Variants in SGCZ observed in about 807,000 individuals in gnomAD.
The protein encoded by SGCZ is sarcoglycan zeta.
In SGCZ, 40 loss-of-function variants were observed where a neutral mutation model predicts 41.3. The observed-to-expected ratio is 0.97, with a 90% CI of 0.75 to 1.26. SGCZ has a LOEUF of 1.26. Ranked by LOEUF, SGCZ falls within the 50% of genes most tolerant of loss-of-function variation. The pLI is 0.00. For missense variants in SGCZ, 552 were observed against 369.8 expected (o/e 1.49, Z -4.04); for synonymous variants, 206 against 137.5 (o/e 1.50, Z -3.49).
chr8:14,847,096 AAAG>A (rs1195300750), intron 1 of SGCZ, among the ~76,000 whole-genome samples: 1 of 148,238 alleles, frequency 6.7e-6, no homozygotes, highest in East Asian at 2.0e-4. Context: ...GAAGAAGAAG[AAAG>A]AAGAAAGAAG....
chr8:14,882,062 C>T (rs138465243), intron 1 of SGCZ, among the ~76,000 whole-genome samples: 39 of 152,232 alleles, frequency 2.6e-4, no homozygotes, highest in Admixed American at 1.4e-3. Flanking sequence ...ATTTCTGGGA[C>T]GCAGCAAAAG....
chr8:15,174,018 G>A lies in SGCZ; in HGVS notation c.39+63567C>T, dbSNP rs117850193. Among the ~76,000 whole-genome samples, 996 of 152,234 alleles carry A rather than the reference G, an allele frequency of 6.5e-3. 5 individuals are homozygous for A. The highest frequency in any genetic ancestry group is 0.011 in the Non-Finnish European group (756 of 68,022). On this transcript the variant is annotated intron_variant, in intron 1 of 7. Transcript: ENST00000382080. ...ATTACAGGTGTGAGCCACTGCACCC[G>A]TTATACTTTATTTAAACATTCTTTT...
chr8:14,630,769 G>C (rs1418802327), intron 1 of SGCZ, among the ~76,000 whole-genome samples: 1 of 151,124 alleles, frequency 6.6e-6, no homozygotes, highest in Non-Finnish European at 1.5e-5. Context: ...ACTGTCACAA[G>C]GACGGAAAAC....
chr8:15,019,191 G>T (rs1025336640), intron 1 of SGCZ, among the ~76,000 whole-genome samples: 5 of 152,230 alleles, frequency 3.3e-5, no homozygotes, highest in Non-Finnish European at 1.5e-5. Flanking sequence ...GTGATTTGAT[G>T]TGATGGACTG....
intron 2 of SGCZ, among the ~76,000 whole-genome samples, chr8:14,500,275 TG>T (rs1203317927): frequency 6.6e-6 from 1 of 152,030 alleles, no homozygotes; most frequent in Non-Finnish European, 1.5e-5. Context: ...ACCCTGCTTT[TG>T]TTGTTGTTGT....
At chr8:14,458,628 G>A (rs979091408) in intron 2 of SGCZ, among the ~76,000 whole-genome samples, 4 of 152,210 alleles carry the variant, frequency 2.6e-5, no homozygotes, top group African/African-American at 9.6e-5. Context: ...AATAAATAAA[G>A]CTGTGTAGCA....
intron 2 of SGCZ, among the ~76,000 whole-genome samples, chr8:14,539,156 C>A (rs750061704): frequency 4.6e-5 from 7 of 151,988 alleles, no homozygotes; most frequent in Non-Finnish European, 1.0e-4. Flanking sequence ...AGAATTCGGC[C>A]AGCAGATTAT....
At chr8:14,897,750 A>C (rs1304942230) in intron 1 of SGCZ, among the ~76,000 whole-genome samples, 1 of 152,168 alleles carries the variant, frequency 6.6e-6, no homozygotes, top group Non-Finnish European at 1.5e-5. Context: ...CATCTTTTCC[A>C]AAACATCCTA....
intron 1 of SGCZ, among the ~76,000 whole-genome samples, chr8:15,010,856 C>G (rs369870044): frequency 6.6e-6 from 1 of 152,144 alleles, no homozygotes. Flanking sequence ...ACACGACGTG[C>G]CAAACAATAA....
chr8:15,092,524 T>A (rs1031494), intron 1 of SGCZ, among the ~76,000 whole-genome samples: 1 of 152,172 alleles, frequency 6.6e-6, no homozygotes, highest in South Asian at 2.1e-4. Context: ...CTCATTTACA[T>A]ATTAAATGAA....
intron 1 of SGCZ, among the ~76,000 whole-genome samples, chr8:14,718,312 A>G (rs1288298993): frequency 6.6e-6 from 1 of 151,986 alleles, no homozygotes; most frequent in Non-Finnish European, 1.5e-5. Flanking sequence ...TTTCTTAGGA[A>G]CTAAATTATA....
chr8:14,637,224 T>C (rs539549313), intron 1 of SGCZ, among the ~76,000 whole-genome samples: 3 of 151,986 alleles, frequency 2.0e-5, no homozygotes, highest in East Asian at 1.9e-4. Flanking sequence ...GTCTGTTTTC[T>C]AGACCCTGTC....
At chr8:14,497,620 TTGTTAG>T (rs1437741253) in intron 2 of SGCZ, among the ~76,000 whole-genome samples, 3 of 151,962 alleles carry the variant, frequency 2.0e-5, no homozygotes, top group African/African-American at 7.3e-5. Context: ...TCATCAGCTA[TTGTTAG>T]TGTTAGTGTA....
intron 1 of SGCZ, among the ~76,000 whole-genome samples, chr8:15,059,690 T>C (rs1293508344): frequency 6.6e-6 from 1 of 152,234 alleles, no homozygotes; most frequent in Non-Finnish European, 1.5e-5. Context: ...TTTGCTTATA[T>C]TGAATTTCTG....
At chr8:15,173,961 AT>A (rs1440673487) in intron 1 of SGCZ, among the ~76,000 whole-genome samples, 1 of 152,106 alleles carries the variant, frequency 6.6e-6, no homozygotes, top group Non-Finnish European at 1.5e-5. Context: ...GGCTCAAGCA[AT>A]CCTTCCACTT....
At chr8:14,560,756 A>T (rs540847321) in intron 1 of SGCZ, among the ~76,000 whole-genome samples, 6 of 152,114 alleles carry the variant, frequency 3.9e-5, no homozygotes, top group Admixed American at 2.6e-4. Flanking sequence ...TAAGATTGAA[A>T]TTTTTTTTGG....
chr8:14,597,820 C>A (rs1341718910), intron 1 of SGCZ, among the ~76,000 whole-genome samples: 1 of 152,092 alleles, frequency 6.6e-6, no homozygotes, highest in Non-Finnish European at 1.5e-5. Context: ...GTTGACTCAA[C>A]CATGAGCACC....
chr8:14,102,900 T>C (rs189817390), intron 6 of SGCZ, among the ~76,000 whole-genome samples: 128 of 152,312 alleles, frequency 8.4e-4, no homozygotes, highest in Non-Finnish European at 3.5e-4. Flanking sequence ...ATAAAAAATT[T>C]ACAGTTTAGG....
At chr8:14,940,113 A>C (rs1244128560) in intron 1 of SGCZ, among the ~76,000 whole-genome samples, 2 of 152,174 alleles carry the variant, frequency 1.3e-5, no homozygotes, top group Non-Finnish European at 2.9e-5. Flanking sequence ...TTTTGAACCC[A>C]TCTATCCTAC....
Sources: gnomAD v4.1 joint callset for allele counts (sites outside exome capture counted in the v4.1 genomes callset) on GRCh38, gnomAD v4.1.1 for gene constraint, MANE v1.5 for transcripts, NCBI Gene and HGNC (gene_info 2026-07-23, HGNC 2026-07-21) for gene names.